Variants in TANK observed in about 807,000 individuals in gnomAD.
The protein encoded by TANK is TRAF family member associated NFKB activator.
TANK carries 15 observed loss-of-function variants against 43.6 expected under a neutral mutation model. The ratio of observed to expected loss-of-function variants is 0.34; its 90% CI spans 0.23 to 0.53. The LOEUF is 0.53. Ranked by LOEUF, TANK falls within the 20% of genes least tolerant of loss-of-function variation. The pLI, the probability that TANK is intolerant of heterozygous loss-of-function variation, is 0.94. For synonymous variants in TANK, 162 were observed against 178.2 expected (o/e 0.91, Z 0.73); for missense variants, 417 against 498.6 (o/e 0.84, Z 1.56).
At chr2:161,172,989 A>G (rs761661693) in intron 1 of TANK, among the ~76,000 whole-genome samples, 1 of 152,108 alleles carries the variant, frequency 6.6e-6, no homozygotes, top group Admixed American at 6.5e-5. Context: ...TGTCTAAAAT[A>G]TGTCCATCAT....
chr2:161,194,183 A>G (rs923218453), intron 2 of TANK, among the ~76,000 whole-genome samples: 19 of 152,112 alleles, frequency 1.2e-4, no homozygotes, highest in Admixed American at 6.6e-5. Flanking sequence ...TCAGATTACC[A>G]TAATCGTAAA....
chr2:161,193,029 T>C (rs1685990326), intron 2 of TANK, among the ~76,000 whole-genome samples: 1 of 152,242 alleles, frequency 6.6e-6, no homozygotes, highest in Admixed American at 6.5e-5. Flanking sequence ...TACATCTCTT[T>C]TTAGCAAGAG....
rs531207934 is a variant in TANK at position 161,183,702 on chromosome 2, A to G, written c.99+3941A>G. On this transcript the variant is annotated intron_variant, in intron 2 of 7. Transcript: ENST00000392749. ...TCAAGAATGGATGAAGAAAAAATGT[A>G]TAATATATATTCTTGTATGTTAAAA... Among the ~76,000 whole-genome samples, 15 of 152,292 alleles carry G rather than the reference A, an allele frequency of 9.8e-5. No homozygotes were observed. In the South Asian group the frequency reaches 2.9e-3, roughly 29 times the overall value.
At chr2:161,212,043 A>G (rs567050907) in intron 4 of TANK, 3 of 860,450 alleles carry the variant, frequency 3.5e-6, no homozygotes, top group East Asian at 2.4e-4. Flanking sequence ...AGTTTTTTCC[A>G]AAGAGTCATA....
chr2:161,212,770 G>A (rs1459256908), intron 4 of TANK: 4 of 985,140 alleles, frequency 4.1e-6, no homozygotes, highest in Non-Finnish European at 3.6e-6. Context: ...TCTTGGCCAA[G>A]GAATGAAAGG....
At chr2:161,163,066 A>G (rs1257398390) in intron 1 of TANK, 1 of 152,176 alleles carries the variant, frequency 6.6e-6, no homozygotes, top group East Asian at 1.9e-4. Context: ...TTTAAAATCA[A>G]TGATTGAGAT....
intron 1 of TANK, among the ~76,000 whole-genome samples, chr2:161,169,794 C>G (rs1428811799): frequency 1.3e-5 from 2 of 152,142 alleles, no homozygotes; most frequent in East Asian, 3.8e-4. Context: ...TCTGGTTCTT[C>G]CATTTTCTAA....
chr2:161,157,558 C>T (rs1558962573), upstream of TANK, among the ~76,000 whole-genome samples: 2 of 152,196 alleles, frequency 1.3e-5, no homozygotes, highest in African/African-American at 2.4e-5. Context: ...TGATATTGCA[C>T]ATCAAAGATT....
intron 1 of TANK, among the ~76,000 whole-genome samples, chr2:161,167,261 T>C (rs1684725249): frequency 6.6e-6 from 1 of 152,210 alleles, no homozygotes; most frequent in Non-Finnish European, 1.5e-5. Context: ...GGAATTCCAA[T>C]GTATATATAC....
intron 6 of TANK, 107 bp from the exon 7 acceptor site, chr2:161,230,864 A>T: frequency 1.1e-6 from 1 of 890,722 alleles, no homozygotes. Context: ...TTCATTTGCT[A>T]TAAAAACCAA....
chr2:161,178,675 A>G (rs567302995), intron 1 of TANK, among the ~76,000 whole-genome samples: 74 of 152,282 alleles, frequency 4.9e-4, no homozygotes, highest in African/African-American at 1.8e-3. Context: ...TTGTATCTCA[A>G]TTGAAAATGT....
At chr2:161,202,711 A>G (rs538252770) in intron 2 of TANK, among the ~76,000 whole-genome samples, 57 of 152,300 alleles carry the variant, frequency 3.7e-4, no homozygotes, top group South Asian at 1.2e-3. Context: ...TTGGTTAAAA[A>G]AAGAGTTCTC....
intron 4 of TANK, among the ~76,000 whole-genome samples, chr2:161,216,750 G>A (rs961153651): frequency 1.3e-5 from 2 of 152,078 alleles, no homozygotes; most frequent in East Asian, 3.9e-4. Flanking sequence ...GGTTATGTGT[G>A]CATAGATACG....
intron 1 of TANK, among the ~76,000 whole-genome samples, chr2:161,147,920 T>G (rs1033775398): frequency 4.6e-5 from 7 of 152,250 alleles, no homozygotes; most frequent in African/African-American, 1.7e-4. Context: ...ATTCGTCTGT[T>G]GATGGATAGG....
chr2:161,216,664 T>C (rs138532073), intron 4 of TANK, among the ~76,000 whole-genome samples: 6 of 152,220 alleles, frequency 3.9e-5, no homozygotes, highest in African/African-American at 1.4e-4. Flanking sequence ...AACCTCAGTT[T>C]CTTGAGGGTT....
intron 4 of TANK, among the ~76,000 whole-genome samples, chr2:161,213,677 A>G (rs538765126): frequency 1.4e-5 from 2 of 145,292 alleles, no homozygotes; most frequent in African/African-American, 2.5e-5. Flanking sequence ...AAATGCTTCT[A>G]CATTCAACCT....
At chr2:161,151,153 T>C (rs1195275460) in intron 1 of TANK, among the ~76,000 whole-genome samples, 4 of 152,228 alleles carry the variant, frequency 2.6e-5, no homozygotes, top group Admixed American at 2.0e-4. Flanking sequence ...TTGTATGATT[T>C]CAATCTTTTT....
intron 2 of TANK, chr2:161,197,423 T>A (rs1362195706): frequency 1.3e-5 from 2 of 152,244 alleles, no homozygotes; most frequent in African/African-American, 4.8e-5. Flanking sequence ...GAAAAATGAC[T>A]GAGAGATCTG....
At chr2:161,177,647 G>A (rs1685227045) in intron 1 of TANK, among the ~76,000 whole-genome samples, 1 of 151,922 alleles carries the variant, frequency 6.6e-6, no homozygotes, top group African/African-American at 2.4e-5. Context: ...GACAGCAATA[G>A]TACAAACAAC....
Sources: allele counts gnomAD v4.1 joint callset (sites outside exome capture counted in the v4.1 genomes callset), GRCh38; gene constraint gnomAD v4.1.1; transcripts MANE v1.5; gene names NCBI Gene and HGNC (gene_info 2026-07-23, HGNC 2026-07-21).